KCNJ5: variants seen among roughly 807,000 people sequenced by gnomAD.
The protein encoded by KCNJ5 is potassium inwardly rectifying channel subfamily J member 5, also known as G protein-activated inward rectifier potassium channel 4.
In KCNJ5, 12 loss-of-function variants were observed where a neutral mutation model predicts 20.2. The observed-to-expected ratio is 0.59, with a 90% confidence interval of 0.38 to 0.96. The LOEUF (loss-of-function observed/expected upper bound fraction) is 0.96, where lower values mean the gene tolerates loss of function less well. KCNJ5 is among the 40% of genes least tolerant of loss of function. The pLI, the probability that KCNJ5 is intolerant of heterozygous loss-of-function variation, is 0.00. For missense variants in KCNJ5, 449 were observed against 557.6 expected, an observed-to-expected ratio of 0.81 and a Z score of 1.96; for synonymous variants, 210 against 213.9, an observed-to-expected ratio of 0.98 and a Z score of 0.16.
Position 128,904,042 on chromosome 11 carries a change from A to G in KCNJ5, c.-10-7222A>G, listed in dbSNP as rs1232846532. On this transcript the variant is annotated intron_variant, in intron 1 of 2. Transcript: ENST00000529694. Reference sequence around the variant, plus strand: ...GTAACTGTGTGGCCTGAAGCAAGCTACCACATCACTCTGCTTTTGTGACCT... The same window carrying G: ...GTAACTGTGTGGCCTGAAGCAAGCTGCCACATCACTCTGCTTTTGTGACCT... 2.0e-5 allele frequency among the ~76,000 whole-genome samples: 3 copies of G among 152,222 alleles called. No homozygotes were observed. In the East Asian group the frequency reaches 5.8e-4, roughly 29 times the overall value.
At position 128,916,493 on chromosome 11, in the gene KCNJ5, A is replaced by G. The variant is rs749374717; in HGVS notation, c.1022A>G (p.Lys341Arg). The change falls in exon 3 of 3, where the codon AAG becomes AGG. Residue 341 changes from lysine to arginine, a missense_variant. Lys to Arg is a conservative substitution (Grantham distance 26, BLOSUM62 2). This residue lies in a region of KCNJ5 where 34 missense variants were observed against 63.8 expected (regional missense o/e 0.53). Transcript: ENST00000529694. ...TTCACACCAGTCCTCACCTTGGAAA[A>G]GGGCTTCTATGAGGTGGACTACAAC... ...HRFTPVLTLEKGFYEVDYNTF... is the reference protein window; with the variant it reads ...HRFTPVLTLERGFYEVDYNTF... 1 of 1,614,122 alleles carries G rather than the reference A, an allele frequency of 6.2e-7. No homozygotes were observed. The highest frequency in any genetic ancestry group is 1.3e-5 in the African/African-American group (1 of 75,028).
chr11:128,905,153 G>T lies in KCNJ5; in HGVS notation c.-10-6111G>T, dbSNP rs550490729. ...GGCCGCTGGCCCGCCCTTCCTCCAGGAAGAGAGACCCGCTGGCGGGGAGTC... is the reference window on the plus strand; with the variant it reads ...GGCCGCTGGCCCGCCCTTCCTCCAGTAAGAGAGACCCGCTGGCGGGGAGTC... On this transcript the variant is annotated intron_variant, in intron 1 of 2. Transcript: ENST00000529694. Among the ~76,000 whole-genome samples the T allele has an allele frequency of 4.6e-5, 7 of 152,348 alleles. No individual in the cohort carries two copies. The South Asian group carries it at 1.4e-3, about 32-fold the overall frequency.
rs140697732 is a variant in KCNJ5 at position 128,911,711 on chromosome 11, C to A, written c.438C>A (p.Thr146=). 1 of 1,614,112 alleles carries A rather than the reference C, an allele frequency of 6.2e-7. No homozygotes were observed. The highest frequency in any genetic ancestry group is 8.5e-7 in the Non-Finnish European group (1 of 1,180,032). ...CCGCTTTCCTGTTCTCCATTGAGACCGAAACAACCATTGGGTATGGCTTCC... is the reference window on the plus strand; with the variant it reads ...CCGCTTTCCTGTTCTCCATTGAGACAGAAACAACCATTGGGTATGGCTTCC... The part of the protein sequence containing the change: ...FVSAFLFSIE[T]ETTIGYGFRV... The change falls in exon 2 of 3, where the codon ACC becomes ACA. Residue 146 remains threonine (T), a synonymous_variant. Coordinates refer to ENST00000529694, the MANE Select transcript of KCNJ5 (RefSeq NM_000890.5). This position sits in a 1 kb window ranked among gnomAD's most constrained non-coding sequence, Gnocchi z 6.3.
rs371347693 is a variant in KCNJ5 at position 128,911,471 on chromosome 11, C to A, written c.198C>A (p.Asn66Lys). The change falls in exon 2 of 3, where the codon AAC (asparagine) becomes AAA (lysine). Residue 66 changes from asparagine (N) to lysine (K), a missense_variant. Asn to Lys is a moderately conservative substitution (Grantham distance 94). Around this residue, in one of 5 missense-constraint regions of KCNJ5, gnomAD observed 203 missense variants for 258.0 expected, o/e 0.79. Transcript: ENST00000529694. This position sits in a 1 kb window ranked among gnomAD's most constrained non-coding sequence, Gnocchi z 6.3. ...KSGKCNVHHGNVQETYRYLSD... is the reference protein window; with the variant it reads ...KSGKCNVHHGKVQETYRYLSD... ...GCAAGTGCAACGTGCACCACGGCAA[C>A]GTCCAGGAGACCTACCGGTACCTGA... 1 of 1,614,138 alleles carries A rather than the reference C, an allele frequency of 6.2e-7. No homozygotes were observed. Among genetic ancestry groups the A allele is most frequent in the Non-Finnish European group, 8.5e-7 (1 of 1,180,050 alleles).
chr11:128,914,687 A>G (rs1257424910), intron 2 of KCNJ5, among the ~76,000 whole-genome samples: 1 of 152,226 alleles, frequency 6.6e-6, no homozygotes. Flanking sequence ...GGAGGATTCA[A>G]GATGAAAAGG....
rs768636968 is a variant in KCNJ5 at position 128,902,678 on chromosome 11, T to C, written c.-10-8586T>C. The C allele has an allele frequency of 3.7e-6, 6 of 1,613,822 alleles. No individual in the cohort carries two copies. In the South Asian group the frequency reaches 6.6e-5, roughly 18 times the overall value. On this transcript the variant is annotated intron_variant, in intron 1 of 2. Transcript: ENST00000529694. ...TTCCTGCCGGGCCGCCTGCCTTTGT[T>C]GTCCTGAGGACTGACAGGTAATGTT...
At chr11:128,914,057 A>G (rs1017046845) in intron 2 of KCNJ5, among the ~76,000 whole-genome samples, 4 of 152,252 alleles carry the variant, frequency 2.6e-5, no homozygotes, top group Non-Finnish European at 5.9e-5. Context: ...GCAGGTGGGC[A>G]GCCCCGGGGC....
intron 1 of KCNJ5, among the ~76,000 whole-genome samples, chr11:128,895,376 G>GCCCCCCCCCCCC (rs1393711093): frequency 1.5e-5 from 1 of 65,132 alleles, no homozygotes; most frequent in African/African-American, 6.2e-5. Context: ...CTTAGAGTGT[G>GCCCCCCCCCCCC]CCCCCACCCC....
chr11:128,913,319 G>A (rs1249703219), intron 2 of KCNJ5, among the ~76,000 whole-genome samples: 1 of 152,210 alleles, frequency 6.6e-6, no homozygotes, highest in East Asian at 1.9e-4. Context: ...CAACATCCAT[G>A]TATGCCCAAG....
chr11:128,909,218 C>A (rs1944466084), intron 1 of KCNJ5, among the ~76,000 whole-genome samples: 1 of 152,220 alleles, frequency 6.6e-6, no homozygotes, highest in Admixed American at 6.5e-5. Context: ...CTTGGTTTGC[C>A]ATTAGGCAGT....
At chr11:128,909,480 G>C (rs536126944) in intron 1 of KCNJ5, among the ~76,000 whole-genome samples, 1 of 152,374 alleles carries the variant, frequency 6.6e-6, no homozygotes, top group East Asian at 1.9e-4. Flanking sequence ...CAGACAGCAA[G>C]AAAAGAGGTG....
rs572433636 is a variant in KCNJ5 at position 128,919,998 on chromosome 11, A to C, written c.*3267A>C. ...CATTCCCACAGTCTTGAGTATCTCC[A>C]AAATCCCAAAGTGATATTTCACTTT... On this transcript the variant is annotated 3_prime_UTR_variant, in exon 3 of 3. Transcript: ENST00000529694. The C allele has an allele frequency of 3.9e-5, 6 of 152,358 alleles. No homozygotes were observed. The East Asian group carries it at 1.2e-3, about 29-fold the overall frequency. The allele number at this position is 152,358 out of a possible 1,614,324, so 9.4% of individuals were successfully genotyped here. A position where few individuals can be genotyped will look rare whatever the true frequency, so the allele number is the denominator to read the frequency against.
rs900283026 is a variant in KCNJ5, at chr11:128,895,037, G to T, written c.-11+3316G>T. On this transcript the variant is annotated intron_variant, in intron 1 of 2. Coordinates refer to ENST00000529694, the MANE Select transcript of KCNJ5 (RefSeq NM_000890.5). ...TGGCAGGTGGCAACGGCACTTCCTG[G>T]TCACCAGGGATCAATCAATAGGGTG... 1.3e-5 allele frequency among the ~76,000 whole-genome samples: 2 copies of T among 151,548 alleles called. 1 individual carries two copies. Among genetic ancestry groups the T allele is most frequent in the South Asian group, 4.2e-4 (2 of 4,776 alleles).
In KCNJ5 at chr11:128,891,429, C is replaced by CAGAGAGAG. The variant is rs1441307479; in HGVS notation, c.-302_-301insGAGAGAGA. 2.3e-3 allele frequency: 236 copies of CAGAGAGAG among 101,150 alleles called. 2 individuals are homozygous for CAGAGAGAG. Among genetic ancestry groups the CAGAGAGAG allele is most frequent in the Middle Eastern group, 0.01 (2 of 198 alleles). 6.3% of individuals were successfully genotyped at this position (101,150 alleles called of 1,614,324 possible). ...ACACACACACACACACACACACACA[C>CAGAGAGAG]ACACACACACACAGAGAGAGAGAGA... On this transcript the variant is annotated 5_prime_UTR_variant, in exon 1 of 3. Coordinates refer to ENST00000529694, the MANE Select transcript of KCNJ5 (RefSeq NM_000890.5).
At chr11:128,895,672 G>A (rs1944165083) in intron 1 of KCNJ5, among the ~76,000 whole-genome samples, 1 of 152,244 alleles carries the variant, frequency 6.6e-6, no homozygotes, top group Admixed American at 6.5e-5. Flanking sequence ...GCTAGACAGG[G>A]GGATCTTCCA....
rs1214176390 is a variant in KCNJ5 at position 128,891,431 on chromosome 11, C to CAG, written c.-300_-299insGA. The CAG allele has an allele frequency of 5.9e-4, 55 of 92,730 alleles. No individual in the cohort carries two copies. Among genetic ancestry groups the CAG allele is most frequent in the African/African-American group, 1.8e-3 (39 of 21,082 alleles). The allele number at this position is 92,730 out of a possible 1,614,324, so 5.7% of individuals were successfully genotyped here. On this transcript the variant is annotated 5_prime_UTR_variant, in exon 1 of 3. Coordinates refer to ENST00000529694, the MANE Select transcript of KCNJ5 (RefSeq NM_000890.5). ...ACACACACACACACACACACACACA[C>CAG]ACACACACACAGAGAGAGAGAGAGA...
rs1168990060 is a variant in KCNJ5, at chr11:128,917,486, G to C, written c.*755G>C. ...TTCCTGGCCTACTCCCAATCACACT[G>C]TGCCCTGCACCTCCCACCAAGGGGG... is the stretch of plus-strand genomic sequence containing the variant. On this transcript the variant is annotated 3_prime_UTR_variant, in exon 3 of 3. Transcript: ENST00000529694. 1 of 152,504 alleles carries C rather than the reference G, an allele frequency of 6.6e-6. No individual in the cohort carries two copies. The highest frequency in any genetic ancestry group is 1.5e-5 in the Non-Finnish European group (1 of 68,268). The allele number at this position is 152,504 out of a possible 1,614,324, so 9.4% of individuals were successfully genotyped here. A position where few individuals can be genotyped will look rare whatever the true frequency, so the allele number is the denominator to read the frequency against.
intron 1 of KCNJ5, among the ~76,000 whole-genome samples, chr11:128,893,619 T>C (rs1944127591): frequency 6.6e-6 from 1 of 152,094 alleles, no homozygotes; most frequent in African/African-American, 2.4e-5. Context: ...CTGCCGGCAT[T>C]ACTCACAGGC....
At chr11:128,895,514 G>A (rs1201905900) in intron 1 of KCNJ5, among the ~76,000 whole-genome samples, 1 of 152,178 alleles carries the variant, frequency 6.6e-6, no homozygotes, top group African/African-American at 2.4e-5. Flanking sequence ...TGGGTGTCAG[G>A]CCCCAGGAAC....
Sources: allele counts gnomAD v4.1 joint callset (sites outside exome capture counted in the v4.1 genomes callset), GRCh38; gene constraint gnomAD v4.1.1; regional missense constraint gnomAD v4.1.1; non-coding constraint Gnocchi (gnomAD v3.1); transcripts MANE v1.5; gene names NCBI Gene and HGNC (gene_info 2026-07-23, HGNC 2026-07-21).